Variants in UGGT2 observed in about 807,000 individuals in gnomAD.
UGGT2 encodes UDP-glucose glycoprotein glucosyltransferase 2, also known as UDP-glucose:glycoprotein glucosyltransferase 2.
Under a neutral mutation model 192.1 loss-of-function variants are expected in UGGT2, and 180 were observed. The observed-to-expected ratio is 0.94, with a 90% CI of 0.83 to 1.06. The LOEUF is 1.06. Among genes scored for constraint, UGGT2 ranks in the 50% least tolerant of loss-of-function variants. The probability of loss-of-function intolerance (pLI) is 0.00; values close to 1 mark genes in which losing one functional copy is unlikely to be tolerated. For missense variants in UGGT2, 1,849 were observed against 1,795.7 expected, an observed-to-expected ratio of 1.03 and a Z score of -0.54; for synonymous variants, 580 against 591.0, an observed-to-expected ratio of 0.98 and a Z score of 0.27.
intron 13 of UGGT2, among the ~76,000 whole-genome samples, 175 bp downstream of exon 13, chr13:95,949,160 C>G (rs1347233564): frequency 6.6e-6 from 1 of 152,152 alleles, no homozygotes; most frequent in African/African-American, 2.4e-5. Flanking sequence ...CGGACTAATA[C>G]AGTGACATGG....
At chr13:95,904,078 T>C (rs920269015) in intron 20 of UGGT2, among the ~76,000 whole-genome samples, 2 of 152,164 alleles carry the variant, frequency 1.3e-5, no homozygotes, top group Admixed American at 6.5e-5. Flanking sequence ...GTTGGATTTC[T>C]AAGACTTAAG....
At chr13:96,046,878 A>G (rs2053328728) in intron 1 of UGGT2, among the ~76,000 whole-genome samples, 1 of 152,190 alleles carries the variant, frequency 6.6e-6, no homozygotes, top group South Asian at 2.1e-4. Flanking sequence ...TTGCTAGCAC[A>G]GCAGTCTGAG....
chr13:95,946,985 T>C lies in UGGT2; in HGVS notation c.1677+52A>G, dbSNP rs2049892311. ...ACATTCTAAAGAAATCATAATATAG[T>C]AATGCAAGAATTTTACCTTCTAAAC... On this transcript the variant is annotated intron_variant, in intron 15 of 38. Coordinates refer to ENST00000376747, the MANE Select transcript of UGGT2 (RefSeq NM_020121.4). 11 of 1,462,328 alleles carry C rather than the reference T, an allele frequency of 7.5e-6. No individual in the cohort carries two copies. The East Asian group carries it at 2.1e-4, about 28-fold the overall frequency. The allele number at this position is 1,462,328 out of a possible 1,614,324, so 90.6% of individuals were successfully genotyped here. A position where few individuals can be genotyped will look rare whatever the true frequency, so the allele number is the denominator to read the frequency against.
intron 38 of UGGT2, among the ~76,000 whole-genome samples, chr13:95,827,158 G>T (rs1470684866): frequency 6.6e-6 from 1 of 152,088 alleles, no homozygotes; most frequent in African/African-American, 2.4e-5. Context: ...AAGAACAGCG[G>T]AAGAAATACT....
At chr13:96,038,037 A>G (rs1419769719) in intron 1 of UGGT2, among the ~76,000 whole-genome samples, 2 of 152,222 alleles carry the variant, frequency 1.3e-5, no homozygotes, top group Non-Finnish European at 2.9e-5. Flanking sequence ...AGGACCTCCT[A>G]CAATTTTGAT....
At position 95,855,446 on chromosome 13, in the gene UGGT2, A is replaced by C. The variant is rs979329185; in HGVS notation, c.4008+712T>G. On this transcript the variant is annotated intron_variant, in intron 34 of 38. Transcript: ENST00000376747. The stretch of plus-strand genomic sequence containing the variant: ...AAAGCAATGCAAGGAGGGAAAAAGG[A>C]AAAGTCATAATTTTTGGACATATAA... 1.2e-4 allele frequency among the ~76,000 whole-genome samples: 18 copies of C among 151,350 alleles called. No homozygotes were observed. In the East Asian group the frequency reaches 3.1e-3, roughly 26 times the overall value.
intron 5 of UGGT2, among the ~76,000 whole-genome samples, chr13:96,002,017 G>C (rs1010393269): frequency 1.3e-5 from 2 of 152,222 alleles, no homozygotes; most frequent in African/African-American, 4.8e-5. Flanking sequence ...TCTGTTATCA[G>C]TAAGGCATCC....
intron 11 of UGGT2, 151 bp from the exon 12 acceptor site, chr13:95,970,413 G>T: frequency 9.2e-6 from 6 of 651,436 alleles, no homozygotes; most frequent in East Asian, 2.9e-5. Flanking sequence ...TAAGAAATAA[G>T]GCAAATAGTT....
At chr13:96,027,528 C>T (rs1323132074) in intron 2 of UGGT2, among the ~76,000 whole-genome samples, 2 of 152,124 alleles carry the variant, frequency 1.3e-5, no homozygotes, top group Admixed American at 6.5e-5. Context: ...TTTTTGACTA[C>T]TGGCACCTAA....
At chr13:95,859,782 T>G in intron 32 of UGGT2, 107 bp from the exon 33 acceptor site, 3 of 833,036 alleles carry the variant, frequency 3.6e-6, no homozygotes, top group Non-Finnish European at 5.3e-6. Context: ...TTTCTTAAAT[T>G]TTACTTTAAG....
Position 95,937,106 on chromosome 13 carries a change from A to T in UGGT2, c.1813-18T>A. On this transcript the variant is annotated intron_variant, in intron 16 of 38. Coordinates refer to ENST00000376747, the MANE Select transcript of UGGT2 (RefSeq NM_020121.4). ...GCTCCAGCCTATTCAGTTAAAAAAT[A>T]TCAGAGTGTTAAACAAAATATGATT... 3 of 1,572,894 alleles carry T rather than the reference A, an allele frequency of 1.9e-6. No individual in the cohort carries two copies. The highest frequency in any genetic ancestry group is 2.6e-6 in the Non-Finnish European group (3 of 1,169,486).
chr13:96,051,806 A>G (rs1015939646), intron 1 of UGGT2, among the ~76,000 whole-genome samples: 3 of 152,158 alleles, frequency 2.0e-5, no homozygotes, highest in African/African-American at 7.2e-5. Context: ...GAATGGCCAT[A>G]ATAAAAAAAT....
intron 27 of UGGT2, among the ~76,000 whole-genome samples, chr13:95,878,817 TACA>T (rs1237418157): frequency 6.6e-6 from 1 of 152,218 alleles, no homozygotes. Flanking sequence ...CAGAAATAAT[TACA>T]ACATTTGTTT....
intron 5 of UGGT2, among the ~76,000 whole-genome samples, chr13:96,011,108 T>C (rs1042391522): frequency 1.3e-5 from 2 of 152,168 alleles, no homozygotes; most frequent in Non-Finnish European, 2.9e-5. Context: ...AAACCTTAAA[T>C]GGATCATAAA....
At chr13:95,851,432 G>A (rs1436464104) in intron 36 of UGGT2, among the ~76,000 whole-genome samples, 2 of 152,198 alleles carry the variant, frequency 1.3e-5, no homozygotes, top group Admixed American at 6.5e-5. Flanking sequence ...GGAGTGAGAA[G>A]TGGGTCAAGG....
chr13:95,830,633 A>G (rs891844278), intron 38 of UGGT2, among the ~76,000 whole-genome samples: 33 of 152,132 alleles, frequency 2.2e-4, no homozygotes, highest in African/African-American at 7.2e-4. Context: ...GAAACAACAG[A>G]TGCTGGAGAG....
In UGGT2 at chr13:95,839,165, C is replaced by A. The variant is rs949674726; in HGVS notation, c.4285-1963G>T. On this transcript the variant is annotated intron_variant, in intron 36 of 38. Transcript: ENST00000376747. ...ACAGGACACACACACACACTACCCC[C>A]CATGCCGACTGTTTTTTCATTTTAA... Among the ~76,000 whole-genome samples the A allele has an allele frequency of 4.6e-5, 7 of 152,080 alleles. 1 individual carries two copies. Among genetic ancestry groups the A allele is most frequent in the Admixed American group, 1.3e-4 (2 of 15,264 alleles).
At chr13:95,984,277 A>G (rs2051221597) in intron 9 of UGGT2, among the ~76,000 whole-genome samples, 1 of 152,160 alleles carries the variant, frequency 6.6e-6, no homozygotes, top group Non-Finnish European at 1.5e-5. Flanking sequence ...TGTTCTAAAA[A>G]ACTGAAATCA....
intron 26 of UGGT2, among the ~76,000 whole-genome samples, chr13:95,886,911 T>C (rs2047661551): frequency 6.6e-6 from 1 of 151,732 alleles, no homozygotes; most frequent in East Asian, 1.9e-4. Flanking sequence ...ACAAAAAAAC[T>C]GTGCGTGGTG....
Sources: gnomAD v4.1 joint callset for allele counts (sites outside exome capture counted in the v4.1 genomes callset) on GRCh38, gnomAD v4.1.1 for gene constraint, MANE v1.5 for transcripts, NCBI Gene and HGNC (gene_info 2026-07-23, HGNC 2026-07-21) for gene names.